Variants in LRRC8D observed in about 807,000 individuals in gnomAD.
LRRC8D encodes the protein volume-regulated anion channel subunit LRRC8D.
LRRC8D carries 20 observed loss-of-function variants against 55.8 expected under a neutral mutation model. The observed-to-expected ratio is 0.36, with a 90% CI of 0.25 to 0.52. LRRC8D has a LOEUF of 0.52. Among genes scored for constraint, LRRC8D ranks in the 20% least tolerant of loss-of-function variants. The pLI is 0.93. For synonymous variants in LRRC8D, 352 were observed against 377.0 expected (o/e 0.93, Z 0.77); for missense variants, 651 against 1,030.8 (o/e 0.63, Z 5.05).
At chr1:89,865,485 T>C (rs1363892375) in intron 2 of LRRC8D, among the ~76,000 whole-genome samples, 1 of 151,920 alleles carries the variant, frequency 6.6e-6, no homozygotes, top group South Asian at 2.1e-4. Flanking sequence ...ACTAAATCAC[T>C]TATGTTGATT....
At chr1:89,926,223 G>A (rs937047649) in intron 2 of LRRC8D, among the ~76,000 whole-genome samples, 1 of 152,124 alleles carries the variant, frequency 6.6e-6, no homozygotes, top group Non-Finnish European at 1.5e-5. Flanking sequence ...ATATTACTTC[G>A]TATTAAGGTG....
intron 2 of LRRC8D, among the ~76,000 whole-genome samples, chr1:89,897,352 A>G (rs150127208): frequency 1.8e-4 from 28 of 152,344 alleles, no homozygotes; most frequent in African/African-American, 6.3e-4. Flanking sequence ...GGACTCTGCC[A>G]GTGCTTTTAT....
chr1:89,842,758 C>T (rs1206806852), intron 1 of LRRC8D, among the ~76,000 whole-genome samples: 1 of 152,170 alleles, frequency 6.6e-6, no homozygotes, highest in Admixed American at 6.5e-5. Flanking sequence ...TACTGAAGTC[C>T]ACTTAAGTCA....
chr1:89,843,710 C>G lies in LRRC8D; in HGVS notation c.-75C>G, dbSNP rs1410668604. ...AGTGAAGTCTCCTGTCGCCGTGGTT[C>G]CAGCCTCCGGAGCTCGCCCAAGCCG... On this transcript the variant is annotated 5_prime_UTR_variant, in exon 2 of 3. Coordinates refer to ENST00000337338, the MANE Select transcript of LRRC8D (RefSeq NM_001134479.2). 1 of 701,874 alleles carries G rather than the reference C, an allele frequency of 1.4e-6. No homozygotes were observed. Among genetic ancestry groups the G allele is most frequent in the Non-Finnish European group, 2.6e-6 (1 of 384,668 alleles). The allele number at this position is 701,874 out of a possible 1,614,324, so 43.5% of individuals were successfully genotyped here. A position where few individuals can be genotyped will look rare whatever the true frequency, so the allele number is the denominator to read the frequency against.
intron 2 of LRRC8D, among the ~76,000 whole-genome samples, chr1:89,865,259 A>G (rs1661812988): frequency 6.6e-6 from 1 of 151,358 alleles, no homozygotes; most frequent in African/African-American, 2.4e-5. Context: ...TCATTCCTTT[A>G]AAGGGAGTTT....
chr1:89,887,574 G>T (rs988351881), intron 2 of LRRC8D, among the ~76,000 whole-genome samples: 1 of 152,196 alleles, frequency 6.6e-6, no homozygotes, highest in African/African-American at 2.4e-5. Context: ...TCTCATAGAT[G>T]CAGTAACTAA....
chr1:89,888,708 G>C (rs1214762362), intron 2 of LRRC8D, among the ~76,000 whole-genome samples: 1 of 152,210 alleles, frequency 6.6e-6, no homozygotes, highest in Admixed American at 6.5e-5. Flanking sequence ...GGAGCATCTT[G>C]TAGTGCTGGA....
At chr1:89,836,301 A>G (rs1267595573) in intron 1 of LRRC8D, among the ~76,000 whole-genome samples, 1 of 152,216 alleles carries the variant, frequency 6.6e-6, no homozygotes, top group Non-Finnish European at 1.5e-5. Flanking sequence ...GCTATTTCTC[A>G]ACATTAAAGA....
rs373223630 is a variant in LRRC8D, at chr1:89,934,196, T to C, written c.1128T>C (p.Tyr376=). ...GTTACATATCCATTATTTGTGTTTA[T>C]GGCTTTATCTGCCTCTACACTCTCT... ...LISYISIICV[Y]GFICLYTLFW... Residue 376 remains tyrosine (Y), a synonymous_variant, in exon 3 of 3, where the codon TAT becomes TAC. Coordinates refer to ENST00000337338, the MANE Select transcript of LRRC8D (RefSeq NM_001134479.2). This position sits in a 1 kb window ranked among gnomAD's most constrained non-coding sequence, Gnocchi z 5.9. 1 of 1,614,040 alleles carries C rather than the reference T, an allele frequency of 6.2e-7. No homozygotes were observed. Among genetic ancestry groups the C allele is most frequent in the African/African-American group, 1.3e-5 (1 of 74,940 alleles).
chr1:89,846,595 T>C (rs1458497053), intron 2 of LRRC8D: 1 of 152,190 alleles, frequency 6.6e-6, no homozygotes, highest in Admixed American at 6.5e-5. Context: ...AAAGCTGGAT[T>C]GCCTTACCAA....
chr1:89,879,715 T>G (rs1662233778), intron 2 of LRRC8D, among the ~76,000 whole-genome samples: 1 of 152,202 alleles, frequency 6.6e-6, no homozygotes, highest in Non-Finnish European at 1.5e-5. Flanking sequence ...ACAAATTTAT[T>G]TTAAAATTAA....
intron 1 of LRRC8D, among the ~76,000 whole-genome samples, chr1:89,823,986 T>A (rs1172963756): frequency 2.0e-5 from 3 of 152,138 alleles, no homozygotes; most frequent in Non-Finnish European, 4.4e-5. Context: ...GTGTTAATCA[T>A]TTGCCTCAAG....
chr1:89,899,999 C>T (rs1281085760), intron 2 of LRRC8D, among the ~76,000 whole-genome samples: 1 of 152,204 alleles, frequency 6.6e-6, no homozygotes, highest in African/African-American at 2.4e-5. Context: ...ATTATGATCC[C>T]TGCCCTGGAG....
intron 2 of LRRC8D, among the ~76,000 whole-genome samples, chr1:89,900,779 C>T (rs186421050): frequency 1.4e-3 from 215 of 152,336 alleles, no homozygotes; most frequent in African/African-American, 5.0e-3. Flanking sequence ...AGCAGCATCT[C>T]ATCAAGACTA....
At chr1:89,889,525 T>C (rs1662507904) in intron 2 of LRRC8D, among the ~76,000 whole-genome samples, 1 of 151,828 alleles carries the variant, frequency 6.6e-6, no homozygotes, top group African/African-American at 2.4e-5. Flanking sequence ...TTGTAACTCC[T>C]GGCAGTAACT....
At chr1:89,922,040 A>G (rs1200768262) in intron 2 of LRRC8D, among the ~76,000 whole-genome samples, 1 of 152,038 alleles carries the variant, frequency 6.6e-6, no homozygotes, top group African/African-American at 2.4e-5. Flanking sequence ...TGCTCTTTCT[A>G]GTATCATTTG....
At chr1:89,917,333 A>T (rs1663299248) in intron 2 of LRRC8D, among the ~76,000 whole-genome samples, 1 of 152,038 alleles carries the variant, frequency 6.6e-6, no homozygotes, top group South Asian at 2.1e-4. Context: ...TCCCTCACTA[A>T]TCTGTATGCT....
intron 2 of LRRC8D, among the ~76,000 whole-genome samples, chr1:89,869,934 C>G (rs1395715431): frequency 6.6e-6 from 1 of 151,194 alleles, no homozygotes; most frequent in Non-Finnish European, 1.5e-5. Flanking sequence ...GTGGTGAAAC[C>G]CTGTCTCTAC....
At chr1:89,872,452 A>G (rs1263398308) in intron 2 of LRRC8D, among the ~76,000 whole-genome samples, 5 of 152,146 alleles carry the variant, frequency 3.3e-5, no homozygotes, top group Non-Finnish European at 7.4e-5. Context: ...AGTGACCAGG[A>G]CTTCATTCTG....
Sources: allele counts gnomAD v4.1 joint callset (sites outside exome capture counted in the v4.1 genomes callset), GRCh38; gene constraint gnomAD v4.1.1; non-coding constraint Gnocchi (gnomAD v3.1); transcripts MANE v1.5; gene names NCBI Gene and HGNC (gene_info 2026-07-23, HGNC 2026-07-21).